Variants in SLCO3A1 observed in about 807,000 individuals in gnomAD.
SLCO3A1 encodes the protein solute carrier organic anion transporter family member 3A1.
In SLCO3A1, 27 loss-of-function variants were observed where a neutral mutation model predicts 63.1. That is an observed-to-expected ratio of 0.43 (90% confidence interval 0.32 to 0.59). The LOEUF (loss-of-function observed/expected upper bound fraction) is 0.59, where lower values mean the gene tolerates loss of function less well. SLCO3A1 is among the 20% of genes least tolerant of loss of function. The pLI is 0.09. For missense variants in SLCO3A1, 773 were observed against 945.8 expected (o/e 0.82, Z 2.40); for synonymous variants, 473 against 409.9 (o/e 1.15, Z -1.86).
intron 1 of SLCO3A1, among the ~76,000 whole-genome samples, chr15:91,864,008 A>G (rs78812588): frequency 0.013 from 1,984 of 152,366 alleles, 38 homozygotes; most frequent in African/African-American, 0.042. Flanking sequence ...GCCAGTGAGC[A>G]GTTTTGCAGC....
chr15:92,101,755 G>C (rs973149832), intron 3 of SLCO3A1, among the ~76,000 whole-genome samples: 1 of 152,162 alleles, frequency 6.6e-6, no homozygotes, highest in Non-Finnish European at 1.5e-5. Context: ...GAGTGTCTTG[G>C]ATCTACAGAA....
intron 2 of SLCO3A1, among the ~76,000 whole-genome samples, chr15:92,058,632 C>G (rs1567095272): frequency 1.3e-5 from 2 of 152,162 alleles, no homozygotes; most frequent in Middle Eastern, 3.2e-3. Flanking sequence ...CCCACATCAC[C>G]ATAGTCCCCA....
At chr15:92,053,579 C>T (rs1470803545) in intron 2 of SLCO3A1, among the ~76,000 whole-genome samples, 1 of 152,124 alleles carries the variant, frequency 6.6e-6, no homozygotes, top group African/African-American at 2.4e-5. Flanking sequence ...GCTGTGACAG[C>T]TCGTCAGACT....
intron 2 of SLCO3A1, among the ~76,000 whole-genome samples, chr15:92,045,522 C>G (rs1334752751): frequency 6.6e-6 from 1 of 151,978 alleles, no homozygotes; most frequent in Non-Finnish European, 1.5e-5. Context: ...GAAATTTTTC[C>G]TGTCCCACTA....
chr15:91,955,393 C>T lies in SLCO3A1; in HGVS notation c.646+38935C>T, dbSNP rs563285822. On this transcript the variant is annotated intron_variant, in intron 2 of 9. Transcript: ENST00000318445. ...TGTCACCCAGGCTAGAGTGCAATGG[C>T]GTGGTTTCAGCTCACTACAACCTCC... 1.3e-4 allele frequency among the ~76,000 whole-genome samples: 19 copies of T among 151,390 alleles called. No individual in the cohort carries two copies. In the East Asian group the frequency reaches 3.1e-3, roughly 25 times the overall value.
At chr15:92,140,574 G>A (rs962882467) in intron 7 of SLCO3A1, among the ~76,000 whole-genome samples, 10 of 152,140 alleles carry the variant, frequency 6.6e-5, no homozygotes, top group Admixed American at 3.3e-4. Context: ...TGTTGACAGT[G>A]GGGTGTTACA....
rs1038750522 is a variant in SLCO3A1, at chr15:92,120,726, T to A, written c.1174+97T>A. 5.0e-6 allele frequency: 5 copies of A among 992,364 alleles called. No homozygotes were observed. In the African/African-American group the frequency reaches 8.0e-5, roughly 16 times the overall value. 61.5% of individuals were successfully genotyped at this position (992,364 alleles called of 1,614,324 possible). The stretch of plus-strand genomic sequence containing the variant: ...TGAGCCCTGCTGAAGAACCCCACTC[T>A]GCTCTGGGCCTACAGCAACAAGATA... On this transcript the variant is annotated intron_variant, in intron 5 of 9. Coordinates refer to ENST00000318445, the MANE Select transcript of SLCO3A1 (RefSeq NM_013272.4).
rs1410124920 is a variant in SLCO3A1, at chr15:91,941,528, G to T, written c.646+25070G>T. 2 of 455,780 alleles carry T rather than the reference G, an allele frequency of 4.4e-6. No homozygotes were observed. Among genetic ancestry groups the T allele is most frequent in the African/African-American group, 4.0e-5 (2 of 50,040 alleles). The allele number at this position is 455,780 out of a possible 1,614,324, so 28.2% of individuals were successfully genotyped here. A position where few individuals can be genotyped will look rare whatever the true frequency, so the allele number is the denominator to read the frequency against. ...CTTGGCCAAGTTACCTAGCTTTTCT[G>T]AGCCTCACTTTCTTGGCAATTAGAT... is the stretch of plus-strand genomic sequence containing the variant. On this transcript the variant is annotated intron_variant, in intron 2 of 9. Coordinates refer to ENST00000318445, the MANE Select transcript of SLCO3A1 (RefSeq NM_013272.4). This position sits in a 1 kb window ranked among gnomAD's most constrained non-coding sequence, Gnocchi z 4.4.
chr15:91,915,571 T>C (rs1207521730), intron 1 of SLCO3A1, among the ~76,000 whole-genome samples: 1 of 152,172 alleles, frequency 6.6e-6, no homozygotes, highest in Non-Finnish European at 1.5e-5. Context: ...ATCTCCTGGC[T>C]CCTCTGTCTT....
chr15:91,957,909 T>G (rs376330767), intron 2 of SLCO3A1, among the ~76,000 whole-genome samples: 2 of 152,228 alleles, frequency 1.3e-5, no homozygotes, highest in South Asian at 2.1e-4. Flanking sequence ...GCCTGGCACA[T>G]AACAGGTACT....
intron 3 of SLCO3A1, chr15:92,098,022 C>G (rs12437857): frequency 1.3e-5 from 2 of 152,076 alleles, no homozygotes; most frequent in Non-Finnish European, 2.9e-5. Flanking sequence ...AAGGGCCACA[C>G]ACGTGGACAC....
chr15:92,079,204 A>G (rs1349610047), intron 2 of SLCO3A1, among the ~76,000 whole-genome samples: 2 of 152,120 alleles, frequency 1.3e-5, no homozygotes, highest in South Asian at 2.1e-4. Flanking sequence ...TGGATGGCCC[A>G]CCACATGCAT....
intron 2 of SLCO3A1, among the ~76,000 whole-genome samples, chr15:91,926,977 G>A (rs962686926): frequency 1.3e-5 from 2 of 152,134 alleles, no homozygotes; most frequent in African/African-American, 4.8e-5. Flanking sequence ...GTTGAGGTGA[G>A]ATAGGCTGTA....
At chr15:91,970,534 G>A (rs769529393) in intron 2 of SLCO3A1, among the ~76,000 whole-genome samples, 7 of 152,222 alleles carry the variant, frequency 4.6e-5, no homozygotes, top group African/African-American at 1.7e-4. Context: ...TGACCAGGAG[G>A]TGCTCCTGGA....
At chr15:92,141,483 G>C (rs564778637) in intron 7 of SLCO3A1, among the ~76,000 whole-genome samples, 1 of 152,250 alleles carries the variant, frequency 6.6e-6, no homozygotes, top group African/African-American at 2.4e-5. Context: ...GTGAGAATTA[G>C]GATCCCAGCC....
chr15:92,037,393 T>G (rs1469859031), intron 2 of SLCO3A1, among the ~76,000 whole-genome samples: 1 of 152,160 alleles, frequency 6.6e-6, no homozygotes, highest in Non-Finnish European at 1.5e-5. Flanking sequence ...AAAGAAATGG[T>G]CAAGCTAGGT....
intron 6 of SLCO3A1, among the ~76,000 whole-genome samples, chr15:92,127,736 A>G (rs910986803): frequency 6.6e-6 from 1 of 152,166 alleles, no homozygotes; most frequent in Non-Finnish European, 1.5e-5. Context: ...GAAAATTAAA[A>G]CACCTTAGTG....
rs28693732 is a variant in SLCO3A1, at chr15:91,923,963, C to T, written c.646+7505C>T. On this transcript the variant is annotated intron_variant, in intron 2 of 9. Coordinates refer to ENST00000318445, the MANE Select transcript of SLCO3A1 (RefSeq NM_013272.4). ...GTCTCTGTGGCTTTAGCCTTGTCGA[C>T]GTTGGCTGAAAACTTTAAAAGCTCA... Among the ~76,000 whole-genome samples the T allele has an allele frequency of 1.3e-3, 199 of 152,284 alleles. 1 individual carries two copies. Among genetic ancestry groups the T allele is most frequent in the African/African-American group, 4.7e-3 (194 of 41,560 alleles).
intron 4 of SLCO3A1, among the ~76,000 whole-genome samples, chr15:92,113,323 T>C (rs2047752451): frequency 6.6e-6 from 1 of 152,088 alleles, no homozygotes; most frequent in Non-Finnish European, 1.5e-5. Context: ...CACATGACTT[T>C]TTCTCTTGGG....
Sources: allele counts gnomAD v4.1 joint callset (sites outside exome capture counted in the v4.1 genomes callset), GRCh38; gene constraint gnomAD v4.1.1; non-coding constraint Gnocchi (gnomAD v3.1); transcripts MANE v1.5; gene names NCBI Gene and HGNC (gene_info 2026-07-23, HGNC 2026-07-21).